The following PRIMPOL variants were observed in gnomAD, a reference collection of about 807,000 sequenced individuals.
The protein encoded by PRIMPOL is primase and DNA directed polymerase.
A neutral mutation model predicts 63.6 loss-of-function variants in PRIMPOL; 54 were observed. The ratio of observed to expected loss-of-function variants is 0.85; its 90% CI spans 0.68 to 1.07. PRIMPOL has a LOEUF of 1.07. Among genes scored for constraint, PRIMPOL ranks in the 50% least tolerant of loss-of-function variants. The pLI is 0.00. For missense variants in PRIMPOL, 610 were observed against 648.3 expected, an observed-to-expected ratio of 0.94 and a Z score of 0.64; for synonymous variants, 197 against 220.2, an observed-to-expected ratio of 0.89 and a Z score of 0.93.
chr4:184,682,785 C>T (rs539150010), intron 9 of PRIMPOL, among the ~76,000 whole-genome samples: 35 of 152,284 alleles, frequency 2.3e-4, no homozygotes, highest in Non-Finnish European at 1.3e-4. Context: ...CACAGGGGCT[C>T]ACACCTGTAA....
chr4:184,682,262 T>G lies in PRIMPOL; in HGVS notation c.1022T>G (p.Leu341Ter), dbSNP rs1221641486. The stretch of plus-strand genomic sequence containing the variant: ...TTCTTCTTCAGGTTCTCAGATACTT[T>G]ACGAATTCTTACATGTGAGCCATCT... ...LVSNVRFSDT[L>*]RILTCEPSQN... is the part of the protein sequence containing the mutation. The change falls in exon 9 of 14, where the codon TTA (leucine) becomes TGA (stop). Residue 341 changes from leucine (L) to a stop codon, truncating the protein, a stop_gained. Transcript: ENST00000314970. LOFTEE classifies it high-confidence loss of function. The G allele has an allele frequency of 1.3e-6, 2 of 1,590,848 alleles. No individual in the cohort carries two copies.
At position 184,682,821 on chromosome 4, in the gene PRIMPOL, G is replaced by A. The variant is rs1347510860; in HGVS notation, c.1096+485G>A. The stretch of plus-strand genomic sequence containing the variant: ...TTCCAGCACTTTGGGAGGCTGAGGC[G>A]GGAGGATCACTTGAGCCCAGGAGTT... On this transcript the variant is annotated intron_variant, in intron 9 of 13. Transcript: ENST00000314970. 7.3e-5 allele frequency among the ~76,000 whole-genome samples: 11 copies of A among 150,846 alleles called. 1 individual carries two copies. The South Asian group carries it at 1.5e-3, about 20-fold the overall frequency.
At chr4:184,684,502 T>A (rs76000315) in intron 9 of PRIMPOL, among the ~76,000 whole-genome samples, 4,393 of 152,014 alleles carry the variant, frequency 0.029, 214 homozygotes, top group African/African-American at 0.1. Flanking sequence ...TCATTCTAAA[T>A]TACTACAGTA....
At chr4:184,680,477 C>T (rs763627062) in intron 8 of PRIMPOL, among the ~76,000 whole-genome samples, 7 of 152,122 alleles carry the variant, frequency 4.6e-5, no homozygotes, top group Non-Finnish European at 8.8e-5. Context: ...CGTGAGCCAC[C>T]GTGCCCGGCC....
chr4:184,653,239 C>T (rs1351320227), intron 2 of PRIMPOL, among the ~76,000 whole-genome samples: 1 of 151,944 alleles, frequency 6.6e-6, no homozygotes, highest in Admixed American at 6.6e-5. Context: ...TTCAGCTGCT[C>T]CTGGAATCCA....
Position 184,678,294 on chromosome 4 carries a change from G to T in PRIMPOL, c.907G>T (p.Ala303Ser). 1 of 1,606,444 alleles carries T rather than the reference G, an allele frequency of 6.2e-7. No individual in the cohort carries two copies. Among genetic ancestry groups the T allele is most frequent in the Non-Finnish European group, 8.5e-7 (1 of 1,177,350 alleles). Residue 303 changes from alanine to serine, a missense_variant, in exon 8 of 14, where the codon GCT (alanine) becomes TCT (serine). By Grantham distance (99) the Ala-to-Ser change is moderately conservative. Around this residue, in one of 3 missense-constraint regions of PRIMPOL, gnomAD observed 444 missense variants for 456.4 expected, o/e 0.97. Transcript: ENST00000314970. ...YKSSKIGKRVALEVTEDNKFF... is the reference protein window; with the variant it reads ...YKSSKIGKRVSLEVTEDNKFF... ...ATCATCAAAAATTGGAAAGCGTGTG[G>T]CTTTGGAGGTTACTGAAGATAACAA...
intron 11 of PRIMPOL, among the ~76,000 whole-genome samples, chr4:184,690,818 TACACTTCCA>T (rs1338336991): frequency 6.6e-6 from 1 of 152,230 alleles, no homozygotes; most frequent in Non-Finnish European, 1.5e-5. Flanking sequence ...TTTTAATATG[TACACTTCCA>T]GTCCACTCAG....
intron 7 of PRIMPOL, among the ~76,000 whole-genome samples, chr4:184,677,486 G>C (rs1754401814): frequency 6.6e-6 from 1 of 151,612 alleles, no homozygotes; most frequent in African/African-American, 2.4e-5. Context: ...TTGTTCTATT[G>C]ATCTATTCCT....
intron 4 of PRIMPOL, 95 bp from the exon 5 acceptor site, chr4:184,661,679 C>A: frequency 1.3e-6 from 1 of 789,876 alleles, no homozygotes; most frequent in Non-Finnish European, 1.9e-6. Flanking sequence ...GCAGTCCAGC[C>A]TGGGCAACAG....
chr4:184,678,390 G>T lies in PRIMPOL; in HGVS notation c.1003G>T (p.Val335Phe), dbSNP rs201613740. Residue 335 changes from valine to phenylalanine, a missense_variant, in exon 8 of 14, where the codon GTC (valine) becomes TTC (phenylalanine). Physicochemically the swap from Val to Phe is conservative, Grantham distance 50. Transcript: ENST00000314970. ...QYFLSSLVSN[V>F]RFSDTLRILT... ...TTTTCTCTCTTCTTTGGTCAGCAAT[G>T]TCAGGTATGTAGTAGCAGCATCAAA... The T allele has an allele frequency of 1.9e-6, 3 of 1,601,876 alleles. No homozygotes were observed. The African/African-American group carries it at 4.0e-5, about 22-fold the overall frequency.
At chr4:184,661,125 T>C (rs982826498) in intron 4 of PRIMPOL, among the ~76,000 whole-genome samples, 3 of 152,184 alleles carry the variant, frequency 2.0e-5, no homozygotes, top group Non-Finnish European at 4.4e-5. Flanking sequence ...ACATTTTTTT[T>C]CAAAGAAAAT....
intron 8 of PRIMPOL, among the ~76,000 whole-genome samples, chr4:184,680,422 A>G (rs974237717): frequency 1.3e-5 from 2 of 152,162 alleles, no homozygotes; most frequent in Admixed American, 1.3e-4. Context: ...TCCTGACCTC[A>G]TGTGATCTGC....
At chr4:184,667,243 C>G (rs904151951) in intron 6 of PRIMPOL, among the ~76,000 whole-genome samples, 4 of 152,164 alleles carry the variant, frequency 2.6e-5, no homozygotes, top group African/African-American at 9.6e-5. Flanking sequence ...CTCTCTCCCT[C>G]ATCCTGTGAG....
chr4:184,666,963 C>CA (rs1270741444), intron 6 of PRIMPOL, among the ~76,000 whole-genome samples: 2 of 152,224 alleles, frequency 1.3e-5, no homozygotes, highest in Non-Finnish European at 2.9e-5. Context: ...GAGTGCTTAT[C>CA]AAAGCAGGGG....
chr4:184,684,256 G>A (rs1466671732), intron 9 of PRIMPOL, among the ~76,000 whole-genome samples: 1 of 152,104 alleles, frequency 6.6e-6, no homozygotes, highest in South Asian at 2.1e-4. Context: ...AGGAGTTCAA[G>A]ACCAGCCTGA....
intron 2 of PRIMPOL, among the ~76,000 whole-genome samples, chr4:184,656,881 G>C (rs1746612783): frequency 6.6e-6 from 1 of 152,164 alleles, no homozygotes; most frequent in Admixed American, 6.5e-5. Context: ...TCATTAACCT[G>C]TCCAAGGTCA....
rs992601215 is a variant in PRIMPOL, at chr4:184,687,821, G to A, written c.1295+2137G>A. 5.3e-5 allele frequency among the ~76,000 whole-genome samples: 8 copies of A among 152,088 alleles called. No individual in the cohort carries two copies. The South Asian group carries it at 1.7e-3, about 32-fold the overall frequency. On this transcript the variant is annotated intron_variant, in intron 11 of 13. Transcript: ENST00000314970. ...AGTAGAGACGGGGTTTCTGCATGTT[G>A]GTCTGGCTGGTCTCGAACTCCCGAC...
At chr4:184,660,243 T>A (rs1352066339) in intron 4 of PRIMPOL, among the ~76,000 whole-genome samples, 4 of 151,924 alleles carry the variant, frequency 2.6e-5, no homozygotes, top group Non-Finnish European at 5.9e-5. Flanking sequence ...TGGAGTACAG[T>A]GGCACAATCT....
At chr4:184,690,672 C>T (rs1346644697) in intron 11 of PRIMPOL, among the ~76,000 whole-genome samples, 2 of 152,280 alleles carry the variant, frequency 1.3e-5, no homozygotes, top group African/African-American at 4.8e-5. Flanking sequence ...GTTGGCCAGG[C>T]TGGTCTCTTT....
Sources: allele counts gnomAD v4.1 joint callset (sites outside exome capture counted in the v4.1 genomes callset), GRCh38; gene constraint gnomAD v4.1.1; regional missense constraint gnomAD v4.1.1; transcripts MANE v1.5; gene names NCBI Gene and HGNC (gene_info 2026-07-23, HGNC 2026-07-21).